NBPF10: variants seen among roughly 807,000 people sequenced by gnomAD.
The protein encoded by NBPF10 is NBPF member 10, also known as NBPF family member NBPF10.
A neutral mutation model predicts 77.9 loss-of-function variants in NBPF10; 63 were observed. The observed-to-expected ratio is 0.81, with a 90% confidence interval of 0.66 to 1.00. The LOEUF is 1.00. NBPF10 is among the 50% of genes least tolerant of loss of function. The pLI is 0.00. For synonymous variants in NBPF10, 146 were observed against 264.5 expected (o/e 0.55, Z 4.35); for missense variants, 522 against 679.8 (o/e 0.77, Z 2.58).
chr1:146,139,392 A>T (rs1405093977), intron 5 of NBPF10, among the ~76,000 whole-genome samples: 2 of 151,732 alleles, frequency 1.3e-5, no homozygotes, highest in Non-Finnish European at 2.9e-5. Flanking sequence ...TACAGGTGTG[A>T]CCCACTGCGC....
intron 14 of NBPF10, among the ~76,000 whole-genome samples, chr1:146,125,906 T>G (rs1338020255): frequency 6.6e-6 from 1 of 151,264 alleles, no homozygotes; most frequent in African/African-American, 2.4e-5. Flanking sequence ...ACGCTGAAAT[T>G]AGAGTAAAGG....
chr1:146,135,285 T>A (rs4068055), intron 8 of NBPF10, 22 bp downstream of exon 8: 2 of 786,106 alleles, frequency 2.5e-6, no homozygotes, highest in Non-Finnish European at 4.2e-6. Context: ...TTTTGGGTCA[T>A]CAGGGCCTAT....
intron 88 of NBPF10, among the ~76,000 whole-genome samples, 166 bp downstream of exon 88, chr1:146,067,837 T>A (rs1434839531): frequency 2.6e-5 from 4 of 151,882 alleles, no homozygotes; most frequent in African/African-American, 9.7e-5. Context: ...ATTTCATGTC[T>A]AGGCTTCCAG....
exon 86 of NBPF10, chr1:146,069,613 T>G (rs1484388202): frequency 6.4e-7 from 1 of 1,569,166 alleles, no homozygotes; most frequent in Admixed American, 1.8e-5. Context: ...AGGGCTGGCA[T>G]GAGTCACACA....
chr1:146,126,570 C>T (rs1249656707), intron 13 of NBPF10, among the ~76,000 whole-genome samples, 162 bp from the exon 14 acceptor site: 6 of 146,128 alleles, frequency 4.1e-5, no homozygotes, highest in Admixed American at 2.1e-4. Context: ...TTGACTAGGG[C>T]CAGGTAGAAA....
Position 146,126,483 on chromosome 1 carries a change from C to A in NBPF10, c.1854-75G>T, listed in dbSNP as rs587601401. On this transcript the variant is annotated intron_variant, in intron 13 of 89. Coordinates refer to ENST00000583866, the Ensembl canonical transcript of NBPF10. ...ACACAGCCCCAGCTAGATTTCATGG[C>A]TAACATAAGGAAGAGTTTGAAAAGA... The A allele has an allele frequency of 1.8e-4, 133 of 738,430 alleles. No individual in the cohort carries two copies. In the African/African-American group the frequency reaches 2.2e-3, roughly 12 times the overall value. 45.7% of individuals were successfully genotyped at this position (738,430 alleles called of 1,614,324 possible). A position where few individuals can be genotyped will look rare whatever the true frequency, so the allele number is the denominator to read the frequency against.
intron 80 of NBPF10, among the ~76,000 whole-genome samples, chr1:146,073,959 C>G (rs1345227677): frequency 0.01 from 982 of 97,026 alleles, no homozygotes; most frequent in African/African-American, 0.028. Context: ...AGGATGAAAT[C>G]TCCAAGATCT....
chr1:146,084,170 T>G (rs1416862790), intron 67 of NBPF10, among the ~76,000 whole-genome samples: 1 of 140,608 alleles, frequency 7.1e-6, no homozygotes, highest in Non-Finnish European at 1.6e-5. Context: ...GACATACTGG[T>G]AAGGGAGTCA....
At chr1:146,135,868 G>A (rs1169604500) in intron 7 of NBPF10, among the ~76,000 whole-genome samples, 11 of 140,820 alleles carry the variant, frequency 7.8e-5, no homozygotes, top group East Asian at 4.2e-4. Context: ...TGCATCTTGC[G>A]GCCACTAGAT....
chr1:146,125,907 A>T (rs1658554076), intron 14 of NBPF10, among the ~76,000 whole-genome samples: 1 of 151,398 alleles, frequency 6.6e-6, no homozygotes, highest in South Asian at 2.1e-4. Flanking sequence ...CGCTGAAATT[A>T]GAGTAAAGGA....
intron 88 of NBPF10, among the ~76,000 whole-genome samples, chr1:146,067,526 T>C (rs1478654373): frequency 6.7e-6 from 1 of 149,218 alleles, no homozygotes; most frequent in East Asian, 2.0e-4. Flanking sequence ...ATATCATTTG[T>C]CCCAAGTTTG....
intron 17 of NBPF10, among the ~76,000 whole-genome samples, chr1:146,123,550 G>A (rs1455903769): frequency 1.7e-3 from 179 of 103,276 alleles, no homozygotes; most frequent in African/African-American, 7.8e-3. Flanking sequence ...CGAGCTCAGT[G>A]AATTGTCCAG....
intron 19 of NBPF10, among the ~76,000 whole-genome samples, 161 bp from the exon 20 acceptor site, chr1:146,121,831 G>A (rs1658206109): frequency 6.7e-6 from 1 of 149,442 alleles, no homozygotes; most frequent in African/African-American, 2.5e-5. Flanking sequence ...ATAGAACAGG[G>A]CCAGGTAGAA....
At chr1:146,067,565 T>A (rs1381032992) in intron 88 of NBPF10, among the ~76,000 whole-genome samples, 22 of 150,120 alleles carry the variant, frequency 1.5e-4, no homozygotes, top group Non-Finnish European at 2.4e-4. Context: ...ATTTTTCCAA[T>A]CAACGTAAAG....
At chr1:146,126,639 CG>C (rs1658725838) in intron 13 of NBPF10, among the ~76,000 whole-genome samples, 3 of 105,264 alleles carry the variant, frequency 2.8e-5, no homozygotes, top group Non-Finnish European at 6.4e-5. Flanking sequence ...ACACACAGAG[CG>C]AGCTCAGTCA....
chr1:146,126,505 A>T (rs1658685228), intron 13 of NBPF10, 97 bp from the exon 14 acceptor site: 3 of 718,594 alleles, frequency 4.2e-6, no homozygotes, highest in East Asian at 2.6e-5. Context: ...AGAGTTTGAA[A>T]AGAAAAAGGA....
rs1396005186 is a variant in NBPF10 at position 146,126,100 on chromosome 1, T to C, written c.2026+136A>G. On this transcript the variant is annotated intron_variant, in intron 14 of 89. Coordinates refer to ENST00000583866, the Ensembl canonical transcript of NBPF10. The stretch of plus-strand genomic sequence containing the variant: ...GCTTCCAAGTGGAACTAGAGTTTCA[T>C]TCAACCTACATGTGCCTATAGGTCC... The C allele has an allele frequency of 1.0e-4, 67 of 664,450 alleles. 1 individual carries two copies. Among genetic ancestry groups the C allele is most frequent in the Admixed American group, 6.0e-4 (24 of 39,794 alleles). The allele number at this position is 664,450 out of a possible 1,614,324, so 41.2% of individuals were successfully genotyped here. A position where few individuals can be genotyped will look rare whatever the true frequency, so the allele number is the denominator to read the frequency against.
chr1:146,137,014 C>G (rs1216166541), intron 6 of NBPF10, among the ~76,000 whole-genome samples: 38 of 143,782 alleles, frequency 2.6e-4, no homozygotes, highest in African/African-American at 7.9e-4. Flanking sequence ...GAAATATGCC[C>G]AAATGCTAAT....
exon 3 of NBPF10, chr1:146,141,771 A>G: frequency 7.4e-7 from 1 of 1,343,842 alleles, no homozygotes. Context: ...CTTCTCCCTT[A>G]GCTGGGTCAG....
Sources: gnomAD v4.1 joint callset for allele counts (sites outside exome capture counted in the v4.1 genomes callset) on GRCh38, gnomAD v4.1.1 for gene constraint, MANE v1.5 for transcripts, NCBI Gene and HGNC (gene_info 2026-07-23, HGNC 2026-07-21) for gene names.